The following CEMIP variants were observed in gnomAD, a reference collection of about 807,000 sequenced individuals.
CEMIP encodes cell migration inducing hyaluronidase 1, also known as cell migration-inducing and hyaluronan-binding protein.
Under a neutral mutation model 156.9 loss-of-function variants are expected in CEMIP, and 105 were observed. That is an observed-to-expected ratio of 0.67 (90% CI 0.57 to 0.79). The LOEUF (loss-of-function observed/expected upper bound fraction) is 0.79. CEMIP is among the 30% of genes least tolerant of loss of function. CEMIP has a pLI of 0.00. For missense variants in CEMIP, 1,457 were observed against 1,769.4 expected, an observed-to-expected ratio of 0.82 and a Z score of 3.17; for synonymous variants, 676 against 668.4, an observed-to-expected ratio of 1.01 and a Z score of -0.17.
intron 19 of CEMIP, among the ~76,000 whole-genome samples, chr15:80,927,090 A>G (rs1312161791): frequency 1.3e-5 from 2 of 152,234 alleles, no homozygotes; most frequent in Non-Finnish European, 2.9e-5. Flanking sequence ...TGGCCTCCCA[A>G]AGTGCTGGGA....
Position 80,793,530 on chromosome 15 carries a change from T to C in CEMIP, c.-176+13916T>C, listed in dbSNP as rs528125210. On this transcript the variant is annotated intron_variant, in intron 1 of 29. Coordinates refer to ENST00000394685, the MANE Select transcript of CEMIP (RefSeq NM_001293298.2). ...CAGAATAATTTATCACTAATTACGG[T>C]TTTGGAAATGAAGCTTAGATGAGCC... 3.9e-5 allele frequency among the ~76,000 whole-genome samples: 6 copies of C among 152,234 alleles called. No individual in the cohort carries two copies. The East Asian group carries it at 1.2e-3, about 29-fold the overall frequency.
chr15:80,866,624 TAAATAAATA>T (rs2141784789), intron 1 of CEMIP, among the ~76,000 whole-genome samples: 1 of 139,354 alleles, frequency 7.2e-6, no homozygotes, highest in South Asian at 2.2e-4. Context: ...AATAAATAAA[TAAATAAATA>T]AAATAAGCCA....
Position 80,924,693 on chromosome 15 carries a change from A to G in CEMIP, c.2275A>G (p.Ile759Val), listed in dbSNP as rs1412248494. The G allele has an allele frequency of 1.2e-6, 2 of 1,614,064 alleles. No individual in the cohort carries two copies. The highest frequency in any genetic ancestry group is 1.7e-6 in the Non-Finnish European group (2 of 1,180,010). ...CAAGGACAAGCGGCCGTTCCTCTCA[A>G]TCATCTCTGCCAGGTAATCAGCCAT... Reference protein sequence around the residue: ...SAKDKRPFLSIISARYSPHQD... With the variant: ...SAKDKRPFLSVISARYSPHQD... Residue 759 changes from isoleucine to valine, a missense_variant, in exon 18 of 30, where the codon ATC becomes GTC. This residue lies in a region of CEMIP where 798 missense variants were observed against 980.1 expected (regional missense o/e 0.81). Coordinates refer to ENST00000394685, the MANE Select transcript of CEMIP (RefSeq NM_001293298.2).
intron 27 of CEMIP, 37 bp from the exon 28 acceptor site, chr15:80,942,908 C>T (rs2141973846): frequency 1.2e-6 from 2 of 1,613,592 alleles, no homozygotes; most frequent in African/African-American, 2.7e-5. Context: ...GGGGCCTTGG[C>T]ACCCTGCCTC....
At chr15:80,878,942 A>T in intron 4 of CEMIP, 75 bp downstream of exon 4, 1 of 1,548,706 alleles carries the variant, frequency 6.5e-7, no homozygotes, top group South Asian at 1.1e-5. Context: ...GCAGGTTGCC[A>T]TGAGCTCAGA....
chr15:80,879,682 G>A, intron 4 of CEMIP, 34 bp from the exon 5 acceptor site: 1 of 1,613,944 alleles, frequency 6.2e-7, no homozygotes, highest in African/African-American at 1.3e-5. Flanking sequence ...TTAACACTGT[G>A]TTATTAAACC....
Position 80,811,129 on chromosome 15 carries a change from C to CA in CEMIP, c.-176+31521dup, listed in dbSNP as rs1298759462. ...CTTACAGTCTAGTGGAGAAATGAGA[C>CA]AAAAAACTAAATAGAATTCAACATG... On this transcript the variant is annotated intron_variant, in intron 1 of 29. Transcript: ENST00000394685. Among the ~76,000 whole-genome samples the CA allele has an allele frequency of 5.3e-5, 8 of 152,096 alleles. 1 individual carries two copies. In the East Asian group the frequency reaches 9.7e-4, roughly 18 times the overall value.
At position 80,906,229 on chromosome 15, in the gene CEMIP, C is replaced by T. The variant is rs139480953; in HGVS notation, c.1412-434C>T. Among the ~76,000 whole-genome samples the T allele has an allele frequency of 1.2e-3, 183 of 152,282 alleles. 1 individual carries two copies. The highest frequency in any genetic ancestry group is 3.3e-3 in the East Asian group (17 of 5,166). ...GGGGCATGGTGCTCACCTGCATGGG[C>T]GAGGCTGGCCTGCCAGCCCCCAGAA... On this transcript the variant is annotated intron_variant, in intron 12 of 29. Coordinates refer to ENST00000394685, the MANE Select transcript of CEMIP (RefSeq NM_001293298.2). This position sits in a 1 kb window ranked among gnomAD's most constrained non-coding sequence, Gnocchi z 4.3.
intron 5 of CEMIP, among the ~76,000 whole-genome samples, 197 bp from the exon 6 acceptor site, chr15:80,880,703 T>C (rs1414747017): frequency 6.6e-6 from 1 of 152,200 alleles, no homozygotes; most frequent in Non-Finnish European, 1.5e-5. Flanking sequence ...CTCAAAGTGC[T>C]GGGATTACAG....
intron 29 of CEMIP, chr15:80,948,500 T>G: frequency 2.3e-6 from 1 of 442,970 alleles, no homozygotes; most frequent in Non-Finnish European, 4.2e-6. Context: ...TCCTAGGAGG[T>G]CTCCTCCCTT....
At chr15:80,886,848 C>G (rs1369613155) in intron 7 of CEMIP, among the ~76,000 whole-genome samples, 8 of 152,180 alleles carry the variant, frequency 5.3e-5, no homozygotes. Flanking sequence ...TTCCTCTTGG[C>G]TTCCTTCTGT....
intron 1 of CEMIP, among the ~76,000 whole-genome samples, chr15:80,818,188 G>A (rs965564468): frequency 3.9e-5 from 6 of 152,198 alleles, no homozygotes; most frequent in Non-Finnish European, 7.3e-5. Flanking sequence ...TTAGCAAGGA[G>A]ATACTGTCTC....
At position 80,878,866 on chromosome 15, in the gene CEMIP, A is replaced by T; in HGVS notation, c.240A>T (p.Gly80=). 2 of 1,614,126 alleles carry T rather than the reference A, an allele frequency of 1.2e-6. No homozygotes were observed. The highest frequency in any genetic ancestry group is 1.7e-6 in the Non-Finnish European group (2 of 1,180,014). ...ATVYSIHISE[G]GKLVIKDHDE... The stretch of plus-strand genomic sequence containing the variant: ...TCTATTCCATCCACATCTCAGAGGG[A>T]GGTAAGCCAATCTCTCTCTGCTGCT... Residue 80 remains glycine (G), a splice_region_variant and synonymous_variant, in exon 4 of 30, where the codon GGA becomes GGT. Coordinates refer to ENST00000394685, the MANE Select transcript of CEMIP (RefSeq NM_001293298.2).
chr15:80,896,567 G>A (rs1020241543), intron 12 of CEMIP, among the ~76,000 whole-genome samples: 3 of 152,150 alleles, frequency 2.0e-5, no homozygotes, highest in African/African-American at 7.2e-5. Context: ...TTAATCTCTT[G>A]TATCTGTGAG....
At chr15:80,933,923 TAAAAAGA>T (rs1901021012) in intron 23 of CEMIP, among the ~76,000 whole-genome samples, 1 of 152,196 alleles carries the variant, frequency 6.6e-6, no homozygotes. Context: ...TGTTAAAAAG[TAAAAAGA>T]AACAGAATTT....
chr15:80,787,854 G>A (rs1399465000), intron 1 of CEMIP, among the ~76,000 whole-genome samples: 1 of 152,228 alleles, frequency 6.6e-6, no homozygotes, highest in Non-Finnish European at 1.5e-5. Flanking sequence ...GGTATCTGCA[G>A]CGAGGAGACA....
rs999342131 is a variant in CEMIP at position 80,937,982 on chromosome 15, G to T, written c.3407+3G>T. On this transcript the variant is annotated splice_donor_region_variant and intron_variant, in intron 25 of 29. Coordinates refer to ENST00000394685, the MANE Select transcript of CEMIP (RefSeq NM_001293298.2). ...TACTACTGGGACGAGGACTCAGGGT[G>T]AGCAGGCGCCCACTTGGCTGCAGGA... is the stretch of plus-strand genomic sequence containing the variant. The T allele has an allele frequency of 1.2e-6, 2 of 1,612,750 alleles. No homozygotes were observed. Among genetic ancestry groups the T allele is most frequent in the Non-Finnish European group, 1.7e-6 (2 of 1,179,450 alleles).
chr15:80,878,278 C>T (rs777103120), intron 3 of CEMIP, among the ~76,000 whole-genome samples: 3 of 152,176 alleles, frequency 2.0e-5, no homozygotes, highest in Non-Finnish European at 4.4e-5. Context: ...TCCAGGGGAA[C>T]AGAGCTAGAA....
intron 1 of CEMIP, among the ~76,000 whole-genome samples, chr15:80,854,972 C>T (rs1000267423): frequency 1.3e-5 from 2 of 152,166 alleles, no homozygotes; most frequent in South Asian, 4.1e-4. Flanking sequence ...AGGAGGATCA[C>T]TTCAGTCCAG....
Sources: gnomAD v4.1 joint callset for allele counts (sites outside exome capture counted in the v4.1 genomes callset) on GRCh38, gnomAD v4.1.1 for gene constraint, gnomAD v4.1.1 regional missense constraint, Gnocchi (gnomAD v3.1) non-coding constraint, MANE v1.5 for transcripts, NCBI Gene and HGNC (gene_info 2026-07-23, HGNC 2026-07-21) for gene names.